SLC6A15: variants seen among roughly 807,000 people sequenced by gnomAD.
SLC6A15 encodes the protein solute carrier family 6 member 15.
In SLC6A15, 33 loss-of-function variants were observed where a neutral mutation model predicts 68.5. The observed-to-expected ratio is 0.48, with a 90% CI of 0.37 to 0.64. The LOEUF is 0.64. Among genes scored for constraint, SLC6A15 ranks in the 30% least tolerant of loss-of-function variants. The probability of loss-of-function intolerance (pLI) is 0.00; values close to 1 mark genes in which losing one functional copy is unlikely to be tolerated. For missense variants in SLC6A15, 747 were observed against 874.3 expected, an observed-to-expected ratio of 0.85 and a Z score of 1.84; for synonymous variants, 347 against 301.0, an observed-to-expected ratio of 1.15 and a Z score of -1.58.
chr12:84,892,274 A>C lies in SLC6A15; in HGVS notation c.-154T>G. 3.0e-6 allele frequency: 2 copies of C among 671,192 alleles called. No homozygotes were observed. The highest frequency in any genetic ancestry group is 2.8e-5 in the East Asian group (1 of 35,522). 41.6% of individuals were successfully genotyped at this position (671,192 alleles called of 1,614,324 possible). A position where few individuals can be genotyped will look rare whatever the true frequency, so the allele number is the denominator to read the frequency against. On this transcript the variant is annotated 5_prime_UTR_variant, in exon 2 of 12. Coordinates refer to ENST00000266682, the MANE Select transcript of SLC6A15 (RefSeq NM_182767.6). ...GATTCAAGGTGATAAAGCCTTATGG[A>C]TTCTGAATCCGTATGTCCAGTATTC...
In SLC6A15 at chr12:84,867,018, A is replaced by G; in HGVS notation, c.1655+16T>C. On this transcript the variant is annotated intron_variant, in intron 10 of 11. Coordinates refer to ENST00000266682, the MANE Select transcript of SLC6A15 (RefSeq NM_182767.6). ...CTAGAGATTAAAAGTGAATACATAA[A>G]AGCAAATATACTTACTTATCTATGC... 6.5e-7 allele frequency: 1 copy of G among 1,542,864 alleles called. No individual in the cohort carries two copies. Among genetic ancestry groups the G allele is most frequent in the East Asian group, 2.4e-5 (1 of 42,432 alleles).
At chr12:84,901,061 CGT>C in intron 1 of SLC6A15, among the ~76,000 whole-genome samples, 1 of 146,212 alleles carries the variant, frequency 6.8e-6, no homozygotes, top group South Asian at 2.2e-4. Flanking sequence ...TATATGTATA[CGT>C]ATATGTGTGT....
chr12:84,899,343 T>C (rs1195174655), intron 1 of SLC6A15, among the ~76,000 whole-genome samples: 1 of 152,146 alleles, frequency 6.6e-6, no homozygotes, highest in Non-Finnish European at 1.5e-5. Flanking sequence ...ACTGCCACTA[T>C]CTTTGAAAAA....
Position 84,861,611 on chromosome 12 carries a change from AC to A in SLC6A15, c.*20del. The A allele has an allele frequency of 6.4e-7, 1 of 1,569,762 alleles. No individual in the cohort carries two copies. Among genetic ancestry groups the A allele is most frequent in the South Asian group, 1.2e-5 (1 of 84,674 alleles). On this transcript the variant is annotated 3_prime_UTR_variant, in exon 12 of 12. Coordinates refer to ENST00000266682, the MANE Select transcript of SLC6A15 (RefSeq NM_182767.6). The stretch of plus-strand genomic sequence containing the variant: ...CATTGGTAAAAATGAACCAAATAAA[AC>A]CCACTGACTTTTCCCCCAGCTACAA...
At chr12:84,895,571 A>T (rs1487953421) in intron 1 of SLC6A15, among the ~76,000 whole-genome samples, 2 of 149,460 alleles carry the variant, frequency 1.3e-5, no homozygotes, top group Non-Finnish European at 3.0e-5. Flanking sequence ...CTGGTCTTGA[A>T]CTCCTGACCT....
chr12:84,894,109 T>C lies in SLC6A15; in HGVS notation c.-188-1801A>G, dbSNP rs575008400. Among the ~76,000 whole-genome samples the C allele has an allele frequency of 3.3e-5, 5 of 152,296 alleles. No homozygotes were observed. The South Asian group carries it at 8.3e-4, about 25-fold the overall frequency. ...TTTGACATTTTGTCTGTTTAATTTATATTATTTTCCCCTACAGCTCAGTAA... is the reference window on the plus strand; with the variant it reads ...TTTGACATTTTGTCTGTTTAATTTACATTATTTTCCCCTACAGCTCAGTAA... On this transcript the variant is annotated intron_variant, in intron 1 of 11. Coordinates refer to ENST00000266682, the MANE Select transcript of SLC6A15 (RefSeq NM_182767.6).
In SLC6A15 at chr12:84,874,856, C is replaced by T. The variant is rs894879476; in HGVS notation, c.868-1528G>A. Among the ~76,000 whole-genome samples the T allele has an allele frequency of 2.0e-5, 3 of 152,166 alleles. No individual in the cohort carries two copies. The East Asian group carries it at 5.8e-4, about 29-fold the overall frequency. ...ATGTGCTTATGTACTTTCTCCCCTA[C>T]ATAAACAATGTAAAATTTTTAAAAA... On this transcript the variant is annotated intron_variant, in intron 6 of 11. Coordinates refer to ENST00000266682, the MANE Select transcript of SLC6A15 (RefSeq NM_182767.6).
intron 9 of SLC6A15, among the ~76,000 whole-genome samples, chr12:84,868,873 C>T (rs12313915): frequency 0.48 from 73,001 of 151,952 alleles, 21,832 homozygotes; most frequent in African/African-American, 0.84. Context: ...TTGGATATGG[C>T]GAGCAAGGAT....
intron 9 of SLC6A15, among the ~76,000 whole-genome samples, chr12:84,869,834 T>C (rs1432397308): frequency 2.0e-5 from 3 of 152,190 alleles, no homozygotes; most frequent in Admixed American, 6.5e-5. Flanking sequence ...TTTAGTGTTA[T>C]TGTTTTTGGA....
intron 1 of SLC6A15, among the ~76,000 whole-genome samples, chr12:84,900,818 A>G (rs183029327): frequency 7.3e-5 from 11 of 151,520 alleles, no homozygotes; most frequent in Admixed American, 2.6e-4. Flanking sequence ...ACTTTTTAAT[A>G]TATCACTAAA....
chr12:84,872,863 G>T, intron 7 of SLC6A15, 69 bp from the exon 8 acceptor site: 1 of 1,281,444 alleles, frequency 7.8e-7, no homozygotes, highest in Non-Finnish European at 1.1e-6. Flanking sequence ...GAACGACTAT[G>T]CCATTATAAG....
At chr12:84,891,777 G>T in intron 2 of SLC6A15, 55 bp downstream of exon 2, 1 of 1,501,638 alleles carries the variant, frequency 6.7e-7, no homozygotes, top group Non-Finnish European at 9.0e-7. Context: ...GGAGCTATTT[G>T]AGAAACCCAA....
Position 84,861,672 on chromosome 12 carries a change from A to G in SLC6A15, c.2153T>C (p.Met718Thr). ...PNGRYGIGYL[M>T]ADIMPDMPES... ...TGGCATATCTGGCATAATATCTGCC[A>G]TCAAGTACCCTATTCCATACCGTCC... Residue 718 changes from methionine to threonine, a missense_variant, in exon 12 of 12, where the codon ATG becomes ACG. Transcript: ENST00000266682. 2 of 1,609,188 alleles carry G rather than the reference A, an allele frequency of 1.2e-6. No individual in the cohort carries two copies. The highest frequency in any genetic ancestry group is 1.7e-6 in the Non-Finnish European group (2 of 1,176,162).
intron 9 of SLC6A15, among the ~76,000 whole-genome samples, chr12:84,869,417 G>C (rs1362972690): frequency 1.5e-5 from 2 of 131,662 alleles, no homozygotes; most frequent in Non-Finnish European, 1.5e-5. Context: ...AGCTGAGATC[G>C]CACTACTGCT....
chr12:84,873,071 A>G lies in SLC6A15; in HGVS notation c.1109+16T>C, dbSNP rs1163527086. 1.9e-6 allele frequency: 3 copies of G among 1,603,426 alleles called. No homozygotes were observed. In the African/African-American group the frequency reaches 4.0e-5, roughly 22 times the overall value. Reference sequence around the variant, plus strand: ...AAAAACTAAGAAAAAAGGCAAATGGAAATTAATATTCATACTGTGTAATGC... The same window carrying G: ...AAAAACTAAGAAAAAAGGCAAATGGGAATTAATATTCATACTGTGTAATGC... On this transcript the variant is annotated intron_variant, in intron 7 of 11. Coordinates refer to ENST00000266682, the MANE Select transcript of SLC6A15 (RefSeq NM_182767.6).
At chr12:84,886,488 C>T (rs1872107803) in intron 2 of SLC6A15, among the ~76,000 whole-genome samples, 1 of 150,402 alleles carries the variant, frequency 6.6e-6, no homozygotes, top group Non-Finnish European at 1.5e-5. Context: ...CATTCTAAAT[C>T]AGAAAAATTA....
In SLC6A15 at chr12:84,861,130, C is replaced by T. The variant is rs1700702102; in HGVS notation, c.*502G>A. On this transcript the variant is annotated 3_prime_UTR_variant, in exon 12 of 12. Coordinates refer to ENST00000266682, the MANE Select transcript of SLC6A15 (RefSeq NM_182767.6). Reference sequence around the variant, plus strand: ...TTTTGCAGTTTTCTTCAACTAATTGCCTAAGAAGGTGTCAATGCTACCAAA... The same window carrying T: ...TTTTGCAGTTTTCTTCAACTAATTGTCTAAGAAGGTGTCAATGCTACCAAA... 1 of 152,288 alleles carries T rather than the reference C, an allele frequency of 6.6e-6. No individual in the cohort carries two copies. Among genetic ancestry groups the T allele is most frequent in the Non-Finnish European group, 1.5e-5 (1 of 68,222 alleles). The allele number at this position is 152,288 out of a possible 1,614,324, so 9.4% of individuals were successfully genotyped here.
chr12:84,874,940 A>G (rs960062388), intron 6 of SLC6A15, among the ~76,000 whole-genome samples: 2 of 152,224 alleles, frequency 1.3e-5, no homozygotes, highest in Non-Finnish European at 2.9e-5. Flanking sequence ...GAGTCTTATC[A>G]ACACTCAATG....
intron 1 of SLC6A15, among the ~76,000 whole-genome samples, chr12:84,893,182 A>G (rs1872495761): frequency 6.6e-6 from 1 of 152,184 alleles, no homozygotes. Flanking sequence ...TATTTAATAG[A>G]GAGAAAGGTA....
Sources: gnomAD v4.1 joint callset for allele counts (sites outside exome capture counted in the v4.1 genomes callset) on GRCh38, gnomAD v4.1.1 for gene constraint, MANE v1.5 for transcripts, NCBI Gene and HGNC (gene_info 2026-07-23, HGNC 2026-07-21) for gene names.